Variants in WFDC10B observed in about 807,000 individuals in gnomAD.
WFDC10B encodes protein WFDC10B.
A neutral mutation model predicts 2.7 loss-of-function variants in WFDC10B; 1 was observed. The observed-to-expected ratio is 0.38, with a 90% CI of 0.13 to 1.79. The LOEUF is 1.79. Among genes scored for constraint, WFDC10B ranks in the 40% most tolerant of loss-of-function variants. The pLI is 0.33. For synonymous variants in WFDC10B, 26 were observed against 32.2 expected (o/e 0.81, Z 0.65); for missense variants, 71 against 87.8 (o/e 0.81, Z 0.76).
rs114083060 is a variant in WFDC10B at position 45,703,805 on chromosome 20, C to T, written c.-65+692G>A. Among the ~76,000 whole-genome samples, 268 of 152,254 alleles carry T rather than the reference C, an allele frequency of 1.8e-3. 1 individual carries two copies. The highest frequency in any genetic ancestry group is 6.3e-3 in the African/African-American group (260 of 41,550). ...CATCCTGGTGCTCTGGCCTCCTGATCGAGAGACACCAAGGAAGAAAAAAGC... is the reference window on the plus strand; with the variant it reads ...CATCCTGGTGCTCTGGCCTCCTGATTGAGAGACACCAAGGAAGAAAAAAGC... On this transcript the variant is annotated intron_variant, in intron 2 of 3. Transcript: ENST00000330523.
intron 2 of WFDC10B, 106 bp downstream of exon 2, chr20:45,704,391 A>C: frequency 1.3e-6 from 2 of 1,571,202 alleles, no homozygotes; most frequent in Non-Finnish European, 1.7e-6. Context: ...TGAGTTCTGA[A>C]CATTACTCCA....
chr20:45,684,741 G>T lies in WFDC10B; in HGVS notation c.*89C>A. ...TTCCTGTTGATGTTCTTGTGCTGAT[G>T]ATTTGATGTCCTTGTGCTTCGGATG... On this transcript the variant is annotated 3_prime_UTR_variant, in exon 4 of 4. Coordinates refer to ENST00000330523, the MANE Select transcript of WFDC10B (RefSeq NM_172006.2). The T allele has an allele frequency of 6.5e-7, 1 of 1,539,054 alleles. No individual in the cohort carries two copies. The highest frequency in any genetic ancestry group is 1.2e-5 in the South Asian group (1 of 81,296).
chr20:45,700,781 T>C (rs558177698), intron 2 of WFDC10B, among the ~76,000 whole-genome samples: 1 of 152,288 alleles, frequency 6.6e-6, no homozygotes, highest in South Asian at 2.1e-4. Context: ...AAATACACAC[T>C]ATCACCACTT....
At chr20:45,686,714 G>C (rs969078002) in intron 2 of WFDC10B, among the ~76,000 whole-genome samples, 1 of 151,598 alleles carries the variant, frequency 6.6e-6, no homozygotes, top group Non-Finnish European at 1.5e-5. Flanking sequence ...CCAGGCTGGA[G>C]TGCAATGGCG....
chr20:45,694,428 G>C (rs2145638656), intron 2 of WFDC10B, among the ~76,000 whole-genome samples: 1 of 151,928 alleles, frequency 6.6e-6, no homozygotes, highest in East Asian at 1.9e-4. Context: ...ATTGTTAAAA[G>C]AAACAAAAAA....
At chr20:45,701,919 T>C (rs970891971) in intron 2 of WFDC10B, 1 of 562,540 alleles carries the variant, frequency 1.8e-6, no homozygotes, top group Non-Finnish European at 3.2e-6. Context: ...TAAAGGAGGA[T>C]ATGAAAACAC....
intron 2 of WFDC10B, among the ~76,000 whole-genome samples, chr20:45,703,436 C>A (rs549821939): frequency 2.6e-5 from 4 of 152,180 alleles, no homozygotes; most frequent in African/African-American, 7.2e-5. Context: ...CCTTTCAAAT[C>A]ATCATAATAT....
intron 2 of WFDC10B, among the ~76,000 whole-genome samples, chr20:45,694,318 A>T (rs1776802195): frequency 6.6e-6 from 1 of 152,198 alleles, no homozygotes; most frequent in South Asian, 2.1e-4. Flanking sequence ...ATAAGGCATA[A>T]GGAAGAGGCC....
chr20:45,697,530 T>A (rs924402537), intron 2 of WFDC10B, among the ~76,000 whole-genome samples: 2 of 151,746 alleles, frequency 1.3e-5, no homozygotes, highest in Non-Finnish European at 2.9e-5. Flanking sequence ...TTTTGTATTT[T>A]CTGTAGAGAC....
At chr20:45,702,202 C>A in intron 2 of WFDC10B, 2 of 1,612,112 alleles carry the variant, frequency 1.2e-6, no homozygotes, top group Non-Finnish European at 1.7e-6. Flanking sequence ...TCCCAAGCAG[C>A]GTGTTCTGAG....
At chr20:45,693,322 C>A (rs1430364033) in intron 2 of WFDC10B, among the ~76,000 whole-genome samples, 1 of 152,198 alleles carries the variant, frequency 6.6e-6, no homozygotes, top group East Asian at 1.9e-4. Context: ...TCTCAGATCT[C>A]CAGCTGCATG....
intron 2 of WFDC10B, among the ~76,000 whole-genome samples, chr20:45,691,241 G>A (rs1568671105): frequency 6.6e-6 from 1 of 152,168 alleles, no homozygotes; most frequent in Non-Finnish European, 1.5e-5. Context: ...TTGCTAAGGA[G>A]AGCTTTACCT....
At chr20:45,703,024 T>C (rs770958495) in intron 2 of WFDC10B, among the ~76,000 whole-genome samples, 21 of 152,186 alleles carry the variant, frequency 1.4e-4, no homozygotes, top group Non-Finnish European at 2.9e-4. Flanking sequence ...CTAAGCAAGC[T>C]ACAAGAAAAT....
intron 2 of WFDC10B, among the ~76,000 whole-genome samples, chr20:45,698,995 A>ATGAGGG (rs1984063949): frequency 6.9e-6 from 1 of 145,196 alleles, no homozygotes. Context: ...AAGGAGGAGA[A>ATGAGGG]GGAGGGGGAG....
chr20:45,693,609 G>A (rs4812953), intron 2 of WFDC10B, among the ~76,000 whole-genome samples: 2 of 151,992 alleles, frequency 1.3e-5, no homozygotes, highest in Admixed American at 6.6e-5. Flanking sequence ...AGCGAGACTC[G>A]GTGGGCATAG....
chr20:45,704,499 G>A lies in WFDC10B; in HGVS notation c.-67C>T. On this transcript the variant is annotated splice_region_variant and 5_prime_UTR_variant, in exon 2 of 4. Transcript: ENST00000330523. Reference sequence around the variant, plus strand: ...CAGCACCTGAAAACTGTACTCACCTGTGTACAATGCAGGAAGATTGCGAGA... The same window carrying A: ...CAGCACCTGAAAACTGTACTCACCTATGTACAATGCAGGAAGATTGCGAGA... 6.2e-7 allele frequency: 1 copy of A among 1,614,158 alleles called. No homozygotes were observed.
intron 2 of WFDC10B, among the ~76,000 whole-genome samples, chr20:45,691,508 A>C (rs1216500505): frequency 6.6e-6 from 1 of 150,788 alleles, no homozygotes; most frequent in Non-Finnish European, 1.5e-5. Flanking sequence ...TTGCTTTATG[A>C]ATCTGGGTGC....
chr20:45,704,226 C>G (rs1014008287), intron 2 of WFDC10B, among the ~76,000 whole-genome samples: 1 of 152,290 alleles, frequency 6.6e-6, no homozygotes. Flanking sequence ...AGGGTTCTAC[C>G]AAACTCTGTT....
At chr20:45,693,929 C>A (rs1229237909) in intron 2 of WFDC10B, among the ~76,000 whole-genome samples, 1 of 152,134 alleles carries the variant, frequency 6.6e-6, no homozygotes, top group African/African-American at 2.4e-5. Flanking sequence ...ATCGCTCACG[C>A]TAGGAGCTGT....
Sources: allele counts gnomAD v4.1 joint callset (sites outside exome capture counted in the v4.1 genomes callset), GRCh38; gene constraint gnomAD v4.1.1; transcripts MANE v1.5; gene names NCBI Gene and HGNC (gene_info 2026-07-23, HGNC 2026-07-21).